PLAAT3: variants seen among roughly 807,000 people sequenced by gnomAD.
PLAAT3 encodes Ca-independent phospholipase A1/2.
In PLAAT3, 21 loss-of-function variants were observed where a neutral mutation model predicts 16.7. That is an observed-to-expected ratio of 1.26 (90% CI 0.89 to 1.81). The LOEUF is 1.81. Ranked by LOEUF, PLAAT3 falls within the 40% of genes most tolerant of loss-of-function variation. The pLI, the probability that PLAAT3 is intolerant of heterozygous loss-of-function variation, is 0.00. For missense variants in PLAAT3, 219 were observed against 213.7 expected (o/e 1.02, Z -0.16); for synonymous variants, 76 against 81.7 (o/e 0.93, Z 0.38).
intron 4 of PLAAT3, among the ~76,000 whole-genome samples, chr11:63,581,215 C>G (rs1044885072): frequency 2.0e-5 from 3 of 152,136 alleles, no homozygotes; most frequent in Non-Finnish European, 4.4e-5. Flanking sequence ...TTTCAGGGAA[C>G]AAGGAAAGAT....
At chr11:63,591,210 C>T (rs916709250) in intron 3 of PLAAT3, among the ~76,000 whole-genome samples, 14 of 152,176 alleles carry the variant, frequency 9.2e-5, no homozygotes, top group African/African-American at 2.9e-4. Flanking sequence ...GGCAAAACTC[C>T]GTCTCTACAA....
At position 63,600,634 on chromosome 11, in the gene PLAAT3, G is replaced by A. The variant is rs1034992553; in HGVS notation, c.16-2471C>T. Among the ~76,000 whole-genome samples, 3 of 145,662 alleles carry A rather than the reference G, an allele frequency of 2.1e-5. No homozygotes were observed. The South Asian group carries it at 6.3e-4, about 31-fold the overall frequency. On this transcript the variant is annotated intron_variant, in intron 2 of 4. Coordinates refer to ENST00000415826, the MANE Select transcript of PLAAT3 (RefSeq NM_001128203.2). ...TTTGTTTTGTTTGAGACAGACTCTC[G>A]CTCTGTCTCCCAGGCTGGAGTGCAG...
chr11:63,580,818 G>A (rs570573955), intron 4 of PLAAT3, among the ~76,000 whole-genome samples: 13 of 152,312 alleles, frequency 8.5e-5, no homozygotes, highest in Admixed American at 6.5e-4. Context: ...AATAGATGGG[G>A]ACTATAAGCC....
intron 2 of PLAAT3, 52 bp from the exon 3 acceptor site, chr11:63,598,215 G>T: frequency 7.8e-7 from 1 of 1,275,002 alleles, no homozygotes. Flanking sequence ...CGTGGAACCA[G>T]GACAGGGCTC....
At chr11:63,591,596 G>C (rs1399796594) in intron 3 of PLAAT3, among the ~76,000 whole-genome samples, 2 of 152,138 alleles carry the variant, frequency 1.3e-5, no homozygotes, top group East Asian at 3.9e-4. Flanking sequence ...AGCAGGAGAG[G>C]CCGATTAGAT....
chr11:63,578,012 G>A (rs545367263), intron 4 of PLAAT3, among the ~76,000 whole-genome samples: 1 of 152,314 alleles, frequency 6.6e-6, no homozygotes, highest in East Asian at 1.9e-4. Flanking sequence ...GCTGGGTGCA[G>A]TGGCTCAAGT....
At chr11:63,603,994 A>G (rs1216935390) in intron 2 of PLAAT3, among the ~76,000 whole-genome samples, 1 of 152,174 alleles carries the variant, frequency 6.6e-6, no homozygotes, top group African/African-American at 2.4e-5. Context: ...TGTACTGAAA[A>G]TACAAAAATT....
intron 4 of PLAAT3, among the ~76,000 whole-genome samples, chr11:63,585,484 T>C (rs527811749): frequency 1.3e-5 from 2 of 152,138 alleles, no homozygotes; most frequent in East Asian, 1.9e-4. Context: ...ATCTAGTGTG[T>C]AGAGGCCAGG....
chr11:63,615,852 G>A (rs1273957010), upstream of PLAAT3, among the ~76,000 whole-genome samples: 1 of 151,296 alleles, frequency 6.6e-6, no homozygotes, highest in Non-Finnish European at 1.5e-5. Context: ...ATTTTTAGTA[G>A]AGACAGGGTT....
Position 63,590,186 on chromosome 11 carries a change from C to T in PLAAT3, c.301G>A (p.Gly101Arg). The stretch of plus-strand genomic sequence containing the variant: ...GTCAGCTTGTAGAGCACCTCCTGCC[C>T]CACCAGCTCCTCCGCCCGCTGGATG... ...KIIQRAEELV[G>R]QEVLYKLTSE... The change falls in exon 4 of 5, where the codon GGG (glycine) becomes AGG (arginine). Residue 101 changes from glycine to arginine, a missense_variant. Physicochemically the swap from Gly to Arg is moderately radical, Grantham distance 125. Transcript: ENST00000415826. The T allele has an allele frequency of 6.2e-7, 1 of 1,614,222 alleles. No individual in the cohort carries two copies. Among genetic ancestry groups the T allele is most frequent in the Non-Finnish European group, 8.5e-7 (1 of 1,180,028 alleles).
rs67821162 is a variant in PLAAT3, at chr11:63,603,703, TACACACACACACACACACAC to T, written c.16-5560_16-5541del. On this transcript the variant is annotated intron_variant, in intron 2 of 4. Transcript: ENST00000415826. ...AAAGGGCTAGTTAAGTAAATTATCC[TACACACACACACACACACAC>T]ACACACACACACACACACACACACA... 2.3e-4 allele frequency among the ~76,000 whole-genome samples: 27 copies of T among 117,096 alleles called. No individual in the cohort carries two copies. In the East Asian group the frequency reaches 5.5e-3, roughly 24 times the overall value. 76.8% of individuals were successfully genotyped at this position (117,096 alleles called of 152,430 possible).
At chr11:63,615,527 G>A (rs546305012), upstream of PLAAT3, among the ~76,000 whole-genome samples, 1 of 152,018 alleles carries the variant, frequency 6.6e-6, no homozygotes, top group East Asian at 1.9e-4. Context: ...CTTAAAAGCA[G>A]ATGAAATTTC....
At chr11:63,613,024 G>T (rs1938730700) in intron 2 of PLAAT3, among the ~76,000 whole-genome samples, 3 of 152,140 alleles carry the variant, frequency 2.0e-5, no homozygotes, top group Admixed American at 2.0e-4. Flanking sequence ...CTCTTTATAT[G>T]GACTGAGATA....
chr11:63,588,807 A>T (rs1190249831), intron 4 of PLAAT3, among the ~76,000 whole-genome samples: 1 of 152,160 alleles, frequency 6.6e-6, no homozygotes, highest in African/African-American at 2.4e-5. Flanking sequence ...CACTGTAGAC[A>T]GGTATAGGAA....
chr11:63,588,474 GCTTT>G (rs35263079), intron 4 of PLAAT3, among the ~76,000 whole-genome samples: 97,114 of 151,500 alleles, frequency 0.64, 31,936 homozygotes, highest in East Asian at 0.94. Context: ...CTGGTCTCCT[GCTTT>G]CTTTCACTGC....
chr11:63,615,068 G>GTGTATGTGTGTA, upstream of PLAAT3, among the ~76,000 whole-genome samples: 116 of 30,254 alleles, frequency 3.8e-3, 11 homozygotes, highest in African/African-American at 7.3e-3. Context: ...ATATATGTGT[G>GTGTATGTGTGTA]TATATATGTG....
chr11:63,594,145 G>A (rs191789623), intron 3 of PLAAT3, among the ~76,000 whole-genome samples: 31 of 152,352 alleles, frequency 2.0e-4, no homozygotes, highest in African/African-American at 7.5e-4. Context: ...GGCCTGAGCA[G>A]CTGAATGGTG....
In PLAAT3 at chr11:63,614,151, C is replaced by T. The variant is rs1041819022; in HGVS notation, c.-54-83G>A. 4.8e-6 allele frequency: 6 copies of T among 1,242,556 alleles called. No individual in the cohort carries two copies. In the African/African-American group the frequency reaches 9.0e-5, roughly 19 times the overall value. The allele number at this position is 1,242,556 out of a possible 1,614,324, so 77.0% of individuals were successfully genotyped here. A position where few individuals can be genotyped will look rare whatever the true frequency, so the allele number is the denominator to read the frequency against. On this transcript the variant is annotated intron_variant, in intron 1 of 4. Coordinates refer to ENST00000415826, the MANE Select transcript of PLAAT3 (RefSeq NM_001128203.2). The stretch of plus-strand genomic sequence containing the variant: ...CCACGGGACTGCGGCTTCTGTTGGG[C>T]AGGGCGTGAGAGGCGCGCCTCGGAC...
At chr11:63,614,176 C>T in intron 1 of PLAAT3, 108 bp from the exon 2 acceptor site, 1 of 914,908 alleles carries the variant, frequency 1.1e-6, no homozygotes, top group Non-Finnish European at 1.7e-6. Flanking sequence ...GCGCCTCGGA[C>T]CCCAGGAACA....
Sources: gnomAD v4.1 joint callset for allele counts (sites outside exome capture counted in the v4.1 genomes callset) on GRCh38, gnomAD v4.1.1 for gene constraint, MANE v1.5 for transcripts, NCBI Gene and HGNC (gene_info 2026-07-23, HGNC 2026-07-21) for gene names.